The following MED13L variants were observed in gnomAD, a reference collection of about 807,000 sequenced individuals.
MED13L encodes the protein mediator of RNA polymerase II transcription subunit 13-like.
In MED13L, 7 loss-of-function variants were observed where a neutral mutation model predicts 220.9. The observed-to-expected ratio is 0.03, with a 90% confidence interval of 0.02 to 0.06. MED13L has a LOEUF of 0.06. Ranked by LOEUF, MED13L falls within the 10% of genes least tolerant of loss-of-function variation. The pLI is 1.00. For synonymous variants in MED13L, 1,011 were observed against 1,015.2 expected, an observed-to-expected ratio of 1.00 and a Z score of 0.08; for missense variants, 1,965 against 2,760.5, an observed-to-expected ratio of 0.71 and a Z score of 6.46.
intron 4 of MED13L, among the ~76,000 whole-genome samples, chr12:116,077,036 G>GTC (rs1228117260): frequency 1.4e-5 from 2 of 147,528 alleles, no homozygotes; most frequent in Admixed American, 1.4e-4. Context: ...GGTGACATGT[G>GTC]TCTGTCTTAC....
intron 17 of MED13L, among the ~76,000 whole-genome samples, chr12:115,990,310 T>C (rs976379808): frequency 7.9e-5 from 12 of 152,218 alleles, no homozygotes; most frequent in Non-Finnish European, 4.4e-5. Context: ...ATAAAATGGG[T>C]TGTAATAATA....
At position 116,237,649 on chromosome 12, in the gene MED13L, A is replaced by G. The variant is rs746646182; in HGVS notation, c.129T>C (p.Cys43=). 22 of 1,614,060 alleles carry G rather than the reference A, an allele frequency of 1.4e-5. No individual in the cohort carries two copies. In the East Asian group the frequency reaches 4.9e-4, roughly 36 times the overall value. Residue 43 remains cysteine (C), a synonymous_variant, in exon 2 of 31, where the codon TGT becomes TGC. Coordinates refer to ENST00000281928, the MANE Select transcript of MED13L (RefSeq NM_015335.5). ...RRYNFGGHGD[C]GPIISAPAQD... is the part of the protein sequence containing the mutation. ...GGGCTGGGGCTGAAATTATGGGTCC[A>G]CAGTCCCCATGCCCTCCAAAATTGT...
At chr12:116,271,902 A>G (rs1873391277) in intron 1 of MED13L, among the ~76,000 whole-genome samples, 1 of 152,172 alleles carries the variant, frequency 6.6e-6, no homozygotes, top group South Asian at 2.1e-4. Flanking sequence ...ACTTTCAAAA[A>G]AAACACACAC....
At chr12:116,021,357 A>C (rs1880049956) in intron 5 of MED13L, among the ~76,000 whole-genome samples, 1 of 152,154 alleles carries the variant, frequency 6.6e-6, no homozygotes, top group African/African-American at 2.4e-5. Flanking sequence ...CTGAGTGATA[A>C]AATGTTGGAT....
chr12:116,119,704 C>A (rs1297919314), intron 2 of MED13L, among the ~76,000 whole-genome samples: 2 of 148,856 alleles, frequency 1.3e-5, no homozygotes, highest in African/African-American at 5.0e-5. Flanking sequence ...TCCTGGGAGG[C>A]TGAGGCAGAA....
chr12:116,127,798 G>A (rs1473120836), intron 2 of MED13L, among the ~76,000 whole-genome samples: 2 of 152,152 alleles, frequency 1.3e-5, no homozygotes, highest in Non-Finnish European at 2.9e-5. Flanking sequence ...CAAACCTTAA[G>A]TCACATCGTA....
At chr12:116,166,912 C>T (rs1879323250) in intron 2 of MED13L, among the ~76,000 whole-genome samples, 1 of 152,128 alleles carries the variant, frequency 6.6e-6, no homozygotes, top group Non-Finnish European at 1.5e-5. Context: ...ATTTTTCAAT[C>T]ACAGTCCTAC....
At chr12:116,235,623 C>A (rs1188044993) in intron 2 of MED13L, among the ~76,000 whole-genome samples, 2 of 152,064 alleles carry the variant, frequency 1.3e-5, no homozygotes, top group African/African-American at 4.8e-5. Context: ...CCAAAAAATA[C>A]TTAAGATATT....
chr12:116,144,911 T>A (rs1179037907), intron 2 of MED13L, among the ~76,000 whole-genome samples: 1 of 152,244 alleles, frequency 6.6e-6, no homozygotes, highest in East Asian at 1.9e-4. Flanking sequence ...CTGCATCACT[T>A]GTACTGTTTC....
chr12:116,247,498 T>C (rs1297893831), intron 1 of MED13L, among the ~76,000 whole-genome samples: 1 of 152,234 alleles, frequency 6.6e-6, no homozygotes, highest in Non-Finnish European at 1.5e-5. Flanking sequence ...TCTTTCTAGC[T>C]GCATGCTCCA....
At chr12:116,211,244 G>C (rs780015235) in intron 2 of MED13L, among the ~76,000 whole-genome samples, 2 of 152,138 alleles carry the variant, frequency 1.3e-5, no homozygotes, top group African/African-American at 2.4e-5. Flanking sequence ...GCAGCCTCTA[G>C]CCATATGTAG....
intron 4 of MED13L, among the ~76,000 whole-genome samples, chr12:116,093,641 C>T (rs1872429736): frequency 6.6e-6 from 1 of 151,754 alleles, no homozygotes; most frequent in Non-Finnish European, 1.5e-5. Context: ...ATTAGTAATA[C>T]TAATAATCAG....
At position 116,102,691 on chromosome 12, in the gene MED13L, CTTTTTCTTTTTCTTTTTTCTTTTTTTTTT is replaced by C. The variant is rs1193807703; in HGVS notation, c.396-5968_396-5940del. On this transcript the variant is annotated intron_variant, in intron 3 of 30. Coordinates refer to ENST00000281928, the MANE Select transcript of MED13L (RefSeq NM_015335.5). ...CTTTCCCGAGTAATCCCTATATTTT[CTTTTTCTTTTTCTTTTTTCTTTTTTTTTT>C]TTTTTTTTTTTTTTTTTTTGATACG... Among the ~76,000 whole-genome samples, 383 of 91,160 alleles carry C rather than the reference CTTTTTCTTTTTCTTTTTTCTTTTTTTTTT, an allele frequency of 4.2e-3. 10 individuals are homozygous for C. The highest frequency in any genetic ancestry group is 0.04 in the East Asian group (129 of 3,224). 59.8% of individuals were successfully genotyped at this position (91,160 alleles called of 152,430 possible).
At chr12:116,264,499 G>GCTCA (rs1341015600) in intron 1 of MED13L, among the ~76,000 whole-genome samples, 1 of 152,178 alleles carries the variant, frequency 6.6e-6, no homozygotes, top group African/African-American at 2.4e-5. Context: ...TCGGCCTGAA[G>GCTCA]CTCACTACTT....
chr12:115,997,387 A>G (rs1354827617), intron 14 of MED13L, among the ~76,000 whole-genome samples, 157 bp from the exon 15 acceptor site: 2 of 152,208 alleles, frequency 1.3e-5, no homozygotes, highest in Non-Finnish European at 2.9e-5. Context: ...ACTAAGAAGA[A>G]GGCCATCAGC....
intron 2 of MED13L, among the ~76,000 whole-genome samples, chr12:116,129,410 C>T (rs1283006776): frequency 2.0e-5 from 3 of 152,114 alleles, no homozygotes; most frequent in African/African-American, 7.2e-5. Context: ...AAAAGCAAGG[C>T]CCTTTTTAAC....
chr12:116,139,244 TAC>T, intron 2 of MED13L, among the ~76,000 whole-genome samples: 1 of 152,342 alleles, frequency 6.6e-6, no homozygotes, highest in Middle Eastern at 3.4e-3. Context: ...GTAAACTTTA[TAC>T]AGTGTCCTAT....
chr12:116,021,496 G>T (rs931800385), intron 5 of MED13L, among the ~76,000 whole-genome samples: 1 of 152,064 alleles, frequency 6.6e-6, no homozygotes, highest in Admixed American at 6.6e-5. Flanking sequence ...GAATTTTCTA[G>T]TAGTTTTATT....
At chr12:116,271,056 A>G (rs538965678) in intron 1 of MED13L, among the ~76,000 whole-genome samples, 2 of 150,184 alleles carry the variant, frequency 1.3e-5, no homozygotes, top group East Asian at 1.9e-4. Context: ...AAAAAAAAAA[A>G]AAAAAAAAAA....
Sources: gnomAD v4.1 joint callset for allele counts (sites outside exome capture counted in the v4.1 genomes callset) on GRCh38, gnomAD v4.1.1 for gene constraint, MANE v1.5 for transcripts, NCBI Gene and HGNC (gene_info 2026-07-23, HGNC 2026-07-21) for gene names.